The following GLIS3 variants were observed in gnomAD, a reference collection of about 807,000 sequenced individuals.
The protein encoded by GLIS3 is zinc finger protein GLIS3.
In GLIS3, 53 loss-of-function variants were observed where a neutral mutation model predicts 78.6. The ratio of observed to expected loss-of-function variants is 0.67; its 90% CI spans 0.54 to 0.85. GLIS3 has a LOEUF of 0.85. Among genes scored for constraint, GLIS3 ranks in the 40% least tolerant of loss-of-function variants. GLIS3 has a pLI of 0.00. For missense variants in GLIS3, 1,703 were observed against 1,231.1 expected (o/e 1.38, Z -5.74); for synonymous variants, 684 against 509.9 (o/e 1.34, Z -4.60).
At chr9:3,939,828 G>A (rs1826101957) in intron 4 of GLIS3, among the ~76,000 whole-genome samples, 1 of 152,172 alleles carries the variant, frequency 6.6e-6, no homozygotes, top group Non-Finnish European at 1.5e-5. Flanking sequence ...ACTCACTCTT[G>A]TTGAAGAATT....
At chr9:4,320,569 A>G (rs1349236097) in intron 2 of GLIS3, among the ~76,000 whole-genome samples, 1 of 151,768 alleles carries the variant, frequency 6.6e-6, no homozygotes, top group Non-Finnish European at 1.5e-5. Context: ...GTTTCTCTCT[A>G]TTTCCAACAC....
chr9:3,924,547 C>G (rs1222464664), intron 6 of GLIS3, among the ~76,000 whole-genome samples: 1 of 152,222 alleles, frequency 6.6e-6, no homozygotes, highest in Non-Finnish European at 1.5e-5. Flanking sequence ...TAGGCTTATC[C>G]ACGCCCTTGT....
intron 4 of GLIS3, chr9:4,070,887 C>G: frequency 6.6e-6 from 1 of 152,170 alleles, no homozygotes. Context: ...CTTCTCAACA[C>G]AGTAGCAAAA....
rs763721454 is a variant in GLIS3 at position 4,286,374 on chromosome 9, G to A, written c.52C>T (p.Gln18Ter). The stretch of plus-strand genomic sequence containing the variant: ...TGACCACTGACCATCCTAGGCCCCT[G>A]TGGGGTTCCCGATGTCCGGTGGAGA... ...MSLHRTSGTP[Q>*]GPRMVSGHHI... Residue 18 changes from glutamine (Q) to a stop codon, truncating the protein, a stop_gained, in exon 2 of 11, where the codon CAG becomes TAG. Coordinates refer to ENST00000381971, the MANE Select transcript of GLIS3 (RefSeq NM_001042413.2). LOFTEE classifies it high-confidence loss of function. The A allele has an allele frequency of 8.7e-6, 14 of 1,614,096 alleles. No homozygotes were observed. Among genetic ancestry groups the A allele is most frequent in the Admixed American group, 5.0e-5 (3 of 60,008 alleles).
the GLIS3 span, among the ~76,000 whole-genome samples, chr9:4,460,661 G>A: frequency 1.3e-5 from 2 of 149,328 alleles, no homozygotes; most frequent in South Asian, 4.2e-4. Context: ...TAAAACAGTA[G>A]TAATGTAAGG....
chr9:4,312,285 T>C (rs993227099), intron 2 of GLIS3, among the ~76,000 whole-genome samples: 1 of 152,244 alleles, frequency 6.6e-6, no homozygotes, highest in South Asian at 2.1e-4. Flanking sequence ...CTGGCCAACA[T>C]GGCAAAACCC....
At chr9:4,174,786 C>T (rs915526094) in intron 2 of GLIS3, among the ~76,000 whole-genome samples, 1 of 152,104 alleles carries the variant, frequency 6.6e-6, no homozygotes, top group Admixed American at 6.5e-5. Context: ...TTCCAGGAGG[C>T]AGTACACGTT....
the GLIS3 span, among the ~76,000 whole-genome samples, chr9:4,485,747 G>C: frequency 7.7e-6 from 1 of 130,192 alleles, no homozygotes; most frequent in African/African-American, 2.9e-5. Flanking sequence ...ACGGAGTTTT[G>C]TTCGCTCTTG....
intron 2 of GLIS3, among the ~76,000 whole-genome samples, chr9:4,274,728 C>T (rs940345506): frequency 6.6e-6 from 1 of 152,204 alleles, no homozygotes; most frequent in Admixed American, 6.5e-5. Context: ...CTTCTGAGTG[C>T]AGGACCCTGT....
intron 8 of GLIS3, among the ~76,000 whole-genome samples, chr9:3,863,919 C>T (rs552362662): frequency 6.6e-6 from 1 of 152,128 alleles, no homozygotes; most frequent in Admixed American, 6.5e-5. Context: ...GGGAGAACGT[C>T]TCGGGTATGT....
intron 4 of GLIS3, among the ~76,000 whole-genome samples, chr9:4,023,853 A>G (rs1326734950): frequency 6.6e-6 from 1 of 152,184 alleles, no homozygotes; most frequent in Non-Finnish European, 1.5e-5. Context: ...AAGTACAGAA[A>G]CTGAGTGTTT....
chr9:4,122,619 T>C (rs1422636123), intron 3 of GLIS3, among the ~76,000 whole-genome samples: 1 of 152,170 alleles, frequency 6.6e-6, no homozygotes, highest in Admixed American at 6.6e-5. Context: ...CCTGGTTCCA[T>C]CGGGTCTTAA....
chr9:4,276,032 T>C (rs936562694), intron 2 of GLIS3, among the ~76,000 whole-genome samples: 6 of 151,500 alleles, frequency 4.0e-5, no homozygotes, highest in Middle Eastern at 6.9e-3. Flanking sequence ...CCTGTAATCC[T>C]AGCACTTTGG....
At chr9:4,033,745 A>G (rs1027326647) in intron 4 of GLIS3, among the ~76,000 whole-genome samples, 1 of 152,014 alleles carries the variant, frequency 6.6e-6, no homozygotes, top group African/African-American at 2.4e-5. Context: ...GCGATGCTGT[A>G]TACAGAGACT....
At chr9:3,974,453 C>A (rs564386537) in intron 4 of GLIS3, among the ~76,000 whole-genome samples, 7 of 152,114 alleles carry the variant, frequency 4.6e-5, no homozygotes, top group Admixed American at 3.3e-4. Flanking sequence ...AACTCTGTCC[C>A]CATTTGAAAT....
At chr9:4,242,331 G>T (rs1429626180) in intron 2 of GLIS3, among the ~76,000 whole-genome samples, 1 of 152,104 alleles carries the variant, frequency 6.6e-6, no homozygotes, top group Non-Finnish European at 1.5e-5. Context: ...TAGAAAACCT[G>T]CCCAGGTTTG....
At chr9:4,121,658 CA>C (rs1564082478) in intron 3 of GLIS3, among the ~76,000 whole-genome samples, 177 of 151,650 alleles carry the variant, frequency 1.2e-3, no homozygotes, top group African/African-American at 3.4e-3. Flanking sequence ...CACACACACA[CA>C]CACCCCAAAG....
intron 4 of GLIS3, among the ~76,000 whole-genome samples, chr9:4,085,060 T>C (rs10283746): frequency 0.38 from 56,969 of 151,468 alleles, 10,896 homozygotes; most frequent in Admixed American, 0.43. Flanking sequence ...TAAAATTATA[T>C]ACTCAACAGA....
At chr9:4,296,158 G>A (rs1816485420) in intron 1 of GLIS3, among the ~76,000 whole-genome samples, 1 of 152,100 alleles carries the variant, frequency 6.6e-6, no homozygotes, top group African/African-American at 2.4e-5. Context: ...CAAGAAGTAT[G>A]TATTCTATAA....
Sources: allele counts gnomAD v4.1 joint callset (sites outside exome capture counted in the v4.1 genomes callset), GRCh38; gene constraint gnomAD v4.1.1; transcripts MANE v1.5; gene names NCBI Gene and HGNC (gene_info 2026-07-23, HGNC 2026-07-21).